The following TLE1 variants were observed in gnomAD, a reference collection of about 807,000 sequenced individuals.
TLE1 encodes the protein transducin-like enhancer protein 1.
TLE1 carries 21 observed loss-of-function variants against 89.8 expected under a neutral mutation model. The ratio of observed to expected loss-of-function variants is 0.23; its 90% CI spans 0.17 to 0.34. TLE1 has a LOEUF of 0.34. TLE1 is among the 10% of genes least tolerant of loss of function. The pLI is 1.00. For missense variants in TLE1, 795 were observed against 1,031.2 expected (o/e 0.77, Z 3.14); for synonymous variants, 447 against 407.6 (o/e 1.10, Z -1.16).
intron 16 of TLE1, among the ~76,000 whole-genome samples, chr9:81,589,423 G>A (rs188142444): frequency 1.6e-3 from 250 of 152,278 alleles, no homozygotes; most frequent in Non-Finnish European, 2.9e-3. Context: ...GGCTTTACAT[G>A]GCCCTATTAC....
intron 4 of TLE1, among the ~76,000 whole-genome samples, chr9:81,665,593 G>A (rs749068039): frequency 1.3e-5 from 2 of 152,124 alleles, no homozygotes; most frequent in African/African-American, 4.8e-5. Flanking sequence ...CTAGCTCCTC[G>A]TGAGGCAGAT....
chr9:81,613,826 TG>T (rs1824026738), intron 11 of TLE1, among the ~76,000 whole-genome samples: 1 of 151,972 alleles, frequency 6.6e-6, no homozygotes, highest in Non-Finnish European at 1.5e-5. Flanking sequence ...GTTAGAAAGA[TG>T]ACCACCCAGA....
chr9:81,598,459 T>C (rs573465401), intron 14 of TLE1, among the ~76,000 whole-genome samples: 3 of 152,104 alleles, frequency 2.0e-5, no homozygotes, highest in Non-Finnish European at 4.4e-5. Flanking sequence ...TCTCATATGG[T>C]GAACATTTAA....
chr9:81,603,431 TTC>T (rs2131964691), intron 14 of TLE1, among the ~76,000 whole-genome samples: 1 of 152,144 alleles, frequency 6.6e-6, no homozygotes, highest in East Asian at 1.9e-4. Context: ...AGGAAAGACT[TTC>T]TGACCTCTCT....
chr9:81,675,697 A>ATTTTTTTTTTTTT (rs1832783096), intron 4 of TLE1, among the ~76,000 whole-genome samples: 5 of 99,812 alleles, frequency 5.0e-5, no homozygotes, highest in Admixed American at 1.9e-4. Context: ...GACTCACACT[A>ATTTTTTTTTTTTT]GTTTTTTTTT....
intron 13 of TLE1, 115 bp from the exon 14 acceptor site, chr9:81,610,411 T>A: frequency 1.3e-6 from 1 of 749,586 alleles, no homozygotes; most frequent in Non-Finnish European, 2.2e-6. Context: ...ATGGGAACAG[T>A]AACATGGCCT....
intron 14 of TLE1, among the ~76,000 whole-genome samples, chr9:81,603,571 T>C (rs1831230668): frequency 6.6e-6 from 1 of 152,172 alleles, no homozygotes; most frequent in Non-Finnish European, 1.5e-5. Flanking sequence ...ACAAATAAAC[T>C]TACCAAAATA....
chr9:81,606,519 G>T (rs1434241602), intron 14 of TLE1, among the ~76,000 whole-genome samples: 2 of 152,066 alleles, frequency 1.3e-5, no homozygotes, highest in Non-Finnish European at 2.9e-5. Flanking sequence ...ACTATCACAA[G>T]CACAAGGACA....
At chr9:81,680,626 G>T (rs2133101758) in intron 4 of TLE1, among the ~76,000 whole-genome samples, 1 of 152,258 alleles carries the variant, frequency 6.6e-6, no homozygotes, top group African/African-American at 2.4e-5. Context: ...TGAGAGGTGA[G>T]AGATCAGTCC....
chr9:81,660,795 G>A (rs1320333179), intron 4 of TLE1, among the ~76,000 whole-genome samples: 1 of 150,686 alleles, frequency 6.6e-6, no homozygotes, highest in African/African-American at 2.4e-5. Flanking sequence ...TGTATTCTGC[G>A]ACTTTTAAAT....
rs377648854 is a variant in TLE1, at chr9:81,611,814, G to A, written c.1209C>T (p.Ala403=). ...SLHNMSPQMS[A]AAAAAAVVAY... is the part of the protein sequence containing the mutation. ...CCACCACGGCGGCCGCGGCGGCTGC[G>A]GCGCTCATCTGGGGCGACATGTTGT... The change falls in exon 13 of 20, where the codon GCC becomes GCT. Residue 403 remains alanine (A), a synonymous_variant. Coordinates refer to ENST00000376499, the MANE Select transcript of TLE1 (RefSeq NM_005077.5). The A allele has an allele frequency of 2.5e-5, 39 of 1,553,250 alleles. No individual in the cohort carries two copies. The East Asian group carries it at 3.8e-4, about 15-fold the overall frequency.
At chr9:81,608,917 A>C (rs1823331548) in intron 14 of TLE1, among the ~76,000 whole-genome samples, 1 of 151,954 alleles carries the variant, frequency 6.6e-6, no homozygotes. Context: ...AGCCTCGGCA[A>C]CGAGTGAAAC....
At chr9:81,641,275 G>A (rs1397608231) in intron 6 of TLE1, among the ~76,000 whole-genome samples, 1 of 152,134 alleles carries the variant, frequency 6.6e-6, no homozygotes, top group Non-Finnish European at 1.5e-5. Flanking sequence ...CAAAAGAGCT[G>A]TCTGGCAGCA....
intron 6 of TLE1, among the ~76,000 whole-genome samples, chr9:81,635,525 C>T (rs1284065705): frequency 2.0e-5 from 3 of 152,158 alleles, no homozygotes; most frequent in African/African-American, 7.2e-5. Flanking sequence ...AATCTGGCCA[C>T]ATTTCAGCTG....
chr9:81,650,174 T>C (rs1829368098), intron 6 of TLE1, among the ~76,000 whole-genome samples: 1 of 152,180 alleles, frequency 6.6e-6, no homozygotes, highest in African/African-American at 2.4e-5. Flanking sequence ...TAGAAATTCA[T>C]TTGCCCTTCT....
chr9:81,652,279 G>A lies in TLE1; in HGVS notation c.307C>T (p.Gln103Ter). The A allele has an allele frequency of 6.2e-7, 1 of 1,613,556 alleles. No homozygotes were observed. Among genetic ancestry groups the A allele is most frequent in the Non-Finnish European group, 8.5e-7 (1 of 1,179,654 alleles). Residue 103 changes from glutamine (Q) to a stop codon, truncating the protein, a stop_gained, in exon 6 of 20, where the codon CAG (glutamine) becomes TAG (stop). Coordinates refer to ENST00000376499, the MANE Select transcript of TLE1 (RefSeq NM_005077.5). LOFTEE classifies it high-confidence loss of function. ...IPFLSQEHQQ[Q>*]VAQAVERAKQ... is the part of the protein sequence containing the mutation. ...GCACGTTCAACAGCCTGGGCCACCT[G>A]TTGTTGATGCTTTGAAAACAAGGAG... is the stretch of plus-strand genomic sequence containing the variant.
chr9:81,619,862 G>C (rs1291772084), intron 9 of TLE1, among the ~76,000 whole-genome samples: 1 of 152,156 alleles, frequency 6.6e-6, no homozygotes, highest in African/African-American at 2.4e-5. Flanking sequence ...ATTTAAACAA[G>C]ATGCCTCTGG....
At chr9:81,685,799 TG>T in intron 3 of TLE1, 33 bp downstream of exon 3, 1 of 1,613,512 alleles carries the variant, frequency 6.2e-7, no homozygotes. Context: ...TAATATCATA[TG>T]AAAAAGGAAA....
At position 81,687,407 on chromosome 9, in the gene TLE1, A is replaced by G. The variant is rs751897001; in HGVS notation, c.52T>C (p.Phe18Leu). 1.5e-5 allele frequency: 24 copies of G among 1,611,258 alleles called. No individual in the cohort carries two copies. The highest frequency in any genetic ancestry group is 2.0e-5 in the Non-Finnish European group (23 of 1,179,300). ...PTPHQAAGQP[F>L]KFTIPESLDR... ...AGGGACTCCGGGATAGTGAACTTGA[A>G]GGGCTGGCCTGCAGCCTGGTGCGGC... Residue 18 changes from phenylalanine to leucine, a missense_variant, in exon 2 of 20, where the codon TTC becomes CTC. Transcript: ENST00000376499.
Sources: allele counts gnomAD v4.1 joint callset (sites outside exome capture counted in the v4.1 genomes callset), GRCh38; gene constraint gnomAD v4.1.1; transcripts MANE v1.5; gene names NCBI Gene and HGNC (gene_info 2026-07-23, HGNC 2026-07-21).